The following INTS7 variants were observed in gnomAD, a reference collection of about 807,000 sequenced individuals.
INTS7 encodes the protein integrator complex subunit 7, also known as chromosome 1 open reading frame 73.
In INTS7, 46 loss-of-function variants were observed where a neutral mutation model predicts 109.2. The ratio of observed to expected loss-of-function variants is 0.42; its 90% CI spans 0.33 to 0.54. The LOEUF (loss-of-function observed/expected upper bound fraction) is 0.54. INTS7 is among the 20% of genes least tolerant of loss of function. The pLI is 0.07. For missense variants in INTS7, 929 were observed against 1,132.4 expected, an observed-to-expected ratio of 0.82 and a Z score of 2.58; for synonymous variants, 412 against 402.9, an observed-to-expected ratio of 1.02 and a Z score of -0.27.
chr1:212,016,735 C>A, intron 4 of INTS7, 151 bp downstream of exon 4: 3 of 592,832 alleles, frequency 5.1e-6, no homozygotes, highest in East Asian at 3.3e-5. Context: ...GTCTTGTTTC[C>A]CCAACATAAG....
intron 1 of INTS7, chr1:212,030,699 A>C (rs1667123458): frequency 6.6e-6 from 1 of 152,178 alleles, no homozygotes; most frequent in African/African-American, 2.4e-5. Flanking sequence ...TCACATGCCT[A>C]CTTCTGAATC....
chr1:211,976,240 AG>A (rs1184253872), intron 12 of INTS7, among the ~76,000 whole-genome samples: 6 of 152,184 alleles, frequency 3.9e-5, no homozygotes, highest in Non-Finnish European at 8.8e-5. Context: ...GACTGGGGAG[AG>A]GAACAAAGAT....
At chr1:212,006,802 T>C (rs1665933666) in intron 6 of INTS7, 41 bp from the exon 7 acceptor site, 1 of 1,502,488 alleles carries the variant, frequency 6.7e-7, no homozygotes, top group South Asian at 1.3e-5. Flanking sequence ...ATACTGTAAC[T>C]GAAATGATCA....
intron 7 of INTS7, among the ~76,000 whole-genome samples, chr1:212,001,998 A>G (rs1665691809): frequency 6.6e-6 from 1 of 152,216 alleles, no homozygotes; most frequent in African/African-American, 2.4e-5. Flanking sequence ...AACTCCAGGC[A>G]TATGTCCTTG....
intron 17 of INTS7, among the ~76,000 whole-genome samples, chr1:211,951,613 G>A (rs1242420055): frequency 6.6e-6 from 1 of 152,098 alleles, no homozygotes; most frequent in African/African-American, 2.4e-5. Flanking sequence ...GCCAGGATGA[G>A]TGTTCTTAAA....
At chr1:211,943,108 G>C (rs544842350) in intron 19 of INTS7, among the ~76,000 whole-genome samples, 116 of 152,096 alleles carry the variant, frequency 7.6e-4, no homozygotes, top group African/African-American at 2.7e-3. Context: ...CCTTTGTACA[G>C]TTTTTATTTC....
At chr1:211,953,448 G>A (rs1045179725) in intron 16 of INTS7, among the ~76,000 whole-genome samples, 50 of 151,424 alleles carry the variant, frequency 3.3e-4, no homozygotes, top group African/African-American at 1.1e-3. Context: ...TGTGCACAAT[G>A]TGCAGGTTTG....
chr1:211,956,179 A>G (rs965079611), intron 16 of INTS7, among the ~76,000 whole-genome samples: 1 of 152,204 alleles, frequency 6.6e-6, no homozygotes, highest in African/African-American at 2.4e-5. Context: ...TTCCCATACA[A>G]TTATTTTGGC....
intron 16 of INTS7, among the ~76,000 whole-genome samples, chr1:211,957,219 T>C (rs1169723464): frequency 1.3e-5 from 2 of 152,160 alleles, no homozygotes; most frequent in Non-Finnish European, 2.9e-5. Flanking sequence ...ACCTTCTTTT[T>C]TGAAGTGTCC....
chr1:211,994,242 T>G (rs1665270531), intron 7 of INTS7, among the ~76,000 whole-genome samples: 2 of 152,086 alleles, frequency 1.3e-5, no homozygotes, highest in African/African-American at 4.8e-5. Flanking sequence ...GTGAGTAAAA[T>G]TCAAATTCAA....
chr1:211,969,234 G>A lies in INTS7; in HGVS notation c.1816-527C>T, dbSNP rs147609239. ...CGGGAGGCGGAGTCTGCTGTGAGCC[G>A]AGATTGCACCACTGCACTCCAGCCT... On this transcript the variant is annotated intron_variant, in intron 13 of 19. Transcript: ENST00000366994. 6.5e-3 allele frequency among the ~76,000 whole-genome samples: 987 copies of A among 150,984 alleles called. 7 individuals carry two copies. Among genetic ancestry groups the A allele is most frequent in the African/African-American group, 0.023 (940 of 41,056 alleles).
At chr1:211,993,869 G>T (rs1665253663) in intron 7 of INTS7, among the ~76,000 whole-genome samples, 1 of 151,970 alleles carries the variant, frequency 6.6e-6, no homozygotes, top group South Asian at 2.1e-4. Flanking sequence ...AATATACTTG[G>T]ACCTTGATTT....
At chr1:211,996,641 A>T (rs1407634035) in intron 7 of INTS7, among the ~76,000 whole-genome samples, 1 of 152,080 alleles carries the variant, frequency 6.6e-6, no homozygotes, top group African/African-American at 2.4e-5. Flanking sequence ...CATGGATATT[A>T]AAAAAAATCA....
intron 7 of INTS7, among the ~76,000 whole-genome samples, chr1:211,994,563 A>G (rs1665292241): frequency 6.6e-6 from 1 of 151,224 alleles, no homozygotes; most frequent in Non-Finnish European, 1.5e-5. Context: ...AGCTGGGATT[A>G]CAGGTGCGTA....
At chr1:212,030,903 A>G (rs1667133188) in intron 1 of INTS7, 1 of 152,210 alleles carries the variant, frequency 6.6e-6, no homozygotes, top group Non-Finnish European at 1.5e-5. Context: ...ATGGTCTGAG[A>G]ATTCAGGTAT....
In INTS7 at chr1:211,947,607, G is replaced by A. The variant is rs374030383; in HGVS notation, c.2317-902C>T. 3.2e-4 allele frequency among the ~76,000 whole-genome samples: 49 copies of A among 152,214 alleles called. 1 individual carries two copies. The highest frequency in any genetic ancestry group is 9.9e-4 in the African/African-American group (41 of 41,532). ...GTTCTTGCAGACCCGATTCAGCAAC[G>A]GATAAATAAAGTATGCTGACACACA... On this transcript the variant is annotated intron_variant, in intron 17 of 19. Transcript: ENST00000366994.
chr1:211,991,978 G>A (rs183822982), intron 7 of INTS7, among the ~76,000 whole-genome samples: 2 of 152,358 alleles, frequency 1.3e-5, no homozygotes, highest in East Asian at 1.9e-4. Flanking sequence ...GCAAGTGTAT[G>A]AAAGAAAGAG....
At chr1:212,005,118 G>A (rs907711793) in intron 7 of INTS7, among the ~76,000 whole-genome samples, 6 of 151,990 alleles carry the variant, frequency 3.9e-5, no homozygotes, top group African/African-American at 9.7e-5. Flanking sequence ...AGGCCCATGC[G>A]GAAATAACCC....
intron 11 of INTS7, among the ~76,000 whole-genome samples, chr1:211,978,063 C>T (rs1265596956): frequency 1.1e-4 from 16 of 152,116 alleles, no homozygotes; most frequent in South Asian, 2.1e-4. Context: ...GAACAAAACA[C>T]GGCTTTCTAA....
Sources: allele counts gnomAD v4.1 joint callset (sites outside exome capture counted in the v4.1 genomes callset), GRCh38; gene constraint gnomAD v4.1.1; transcripts MANE v1.5; gene names NCBI Gene and HGNC (gene_info 2026-07-23, HGNC 2026-07-21).